Variants in PTPRM observed in about 807,000 individuals in gnomAD.
The protein encoded by PTPRM is receptor-type tyrosine-protein phosphatase mu.
In PTPRM, 47 loss-of-function variants were observed where a neutral mutation model predicts 186.7. The observed-to-expected ratio is 0.25, with a 90% confidence interval of 0.20 to 0.32. The LOEUF is 0.32. PTPRM is among the 10% of genes least tolerant of loss of function. The probability of loss-of-function intolerance (pLI) is 1.00; values close to 1 mark genes in which losing one functional copy is unlikely to be tolerated. For synonymous variants in PTPRM, 668 were observed against 674.9 expected, an observed-to-expected ratio of 0.99 and a Z score of 0.16; for missense variants, 1,494 against 1,865.0, an observed-to-expected ratio of 0.80 and a Z score of 3.66.
intron 2 of PTPRM, among the ~76,000 whole-genome samples, chr18:7,886,488 C>G (rs2048791186): frequency 1.3e-5 from 2 of 152,160 alleles, no homozygotes; most frequent in Non-Finnish European, 2.9e-5. Context: ...AGGTACATAA[C>G]ATTCATTGCT....
At chr18:7,651,066 G>C (rs2144275968) in intron 1 of PTPRM, among the ~76,000 whole-genome samples, 1 of 151,728 alleles carries the variant, frequency 6.6e-6, no homozygotes. Flanking sequence ...CTAGTAGCTG[G>C]GATTACAGGC....
At chr18:7,932,115 T>C (rs981769489) in intron 5 of PTPRM, among the ~76,000 whole-genome samples, 1 of 152,270 alleles carries the variant, frequency 6.6e-6, no homozygotes, top group Non-Finnish European at 1.5e-5. Flanking sequence ...GGGTGGGAAA[T>C]ACAAAGGTTC....
intron 2 of PTPRM, among the ~76,000 whole-genome samples, chr18:7,863,086 G>T (rs1305263153): frequency 6.6e-6 from 1 of 152,046 alleles, no homozygotes; most frequent in African/African-American, 2.4e-5. Flanking sequence ...TTGCTAAAAG[G>T]CTTGTCTTTT....
At chr18:7,698,745 A>G (rs1479878785) in intron 1 of PTPRM, among the ~76,000 whole-genome samples, 2 of 152,158 alleles carry the variant, frequency 1.3e-5, no homozygotes, top group African/African-American at 4.8e-5. Context: ...GTTTTTGCAC[A>G]TACTACTAAC....
chr18:8,252,773 T>C (rs914318447), intron 18 of PTPRM, among the ~76,000 whole-genome samples: 12 of 152,226 alleles, frequency 7.9e-5, no homozygotes, highest in Admixed American at 3.9e-4. Context: ...AGTCCCCATT[T>C]CCATTGCTAG....
intron 19 of PTPRM, among the ~76,000 whole-genome samples, chr18:8,255,879 G>A (rs1038176404): frequency 1.3e-5 from 2 of 152,170 alleles, no homozygotes; most frequent in South Asian, 2.1e-4. Context: ...GCAGGGAGAA[G>A]GGGACGCCCC....
intron 1 of PTPRM, among the ~76,000 whole-genome samples, chr18:7,762,114 G>A (rs958264081): frequency 1.3e-5 from 2 of 152,130 alleles, no homozygotes; most frequent in East Asian, 1.9e-4. Flanking sequence ...GGACCGCCCA[G>A]TGCAATAGAG....
chr18:8,279,583 A>G (rs910431273), intron 19 of PTPRM, among the ~76,000 whole-genome samples: 1 of 152,188 alleles, frequency 6.6e-6, no homozygotes, highest in Non-Finnish European at 1.5e-5. Context: ...GCCTGTTTTA[A>G]TCAGCATATC....
chr18:7,973,225 G>A (rs911616156), intron 7 of PTPRM, among the ~76,000 whole-genome samples: 4 of 151,822 alleles, frequency 2.6e-5, no homozygotes, highest in African/African-American at 7.3e-5. Flanking sequence ...CAATTATTTC[G>A]ATTTCTATAA....
rs1041179133 is a variant in PTPRM, at chr18:8,061,445, T to C, written c.1133-8241T>C. ...GTGTGTGTCTTTTAATTGGAGAATTTAGTCCATTTACATTTAAAGTTAATA... is the reference window on the plus strand; with the variant it reads ...GTGTGTGTCTTTTAATTGGAGAATTCAGTCCATTTACATTTAAAGTTAATA... On this transcript the variant is annotated intron_variant, in intron 7 of 32. Coordinates refer to ENST00000580170, the MANE Select transcript of PTPRM (RefSeq NM_001105244.2). 2.1e-4 allele frequency among the ~76,000 whole-genome samples: 27 copies of C among 126,888 alleles called. 1 individual carries two copies. Among genetic ancestry groups the C allele is most frequent in the African/African-American group, 7.9e-4 (24 of 30,400 alleles). 83.2% of individuals were successfully genotyped at this position (126,888 alleles called of 152,430 possible). A position where few individuals can be genotyped will look rare whatever the true frequency, so the allele number is the denominator to read the frequency against.
intron 4 of PTPRM, among the ~76,000 whole-genome samples, chr18:7,925,649 A>C (rs939509975): frequency 2.6e-5 from 4 of 152,098 alleles, no homozygotes; most frequent in Non-Finnish European, 4.4e-5. Flanking sequence ...CTCTCCCAGA[A>C]AGTATGATCA....
chr18:7,705,325 A>ATCTGTCTGTCTGTCTG (rs1222961839), intron 1 of PTPRM, among the ~76,000 whole-genome samples: 1 of 140,140 alleles, frequency 7.1e-6, no homozygotes, highest in African/African-American at 2.6e-5. Flanking sequence ...CTATCTATCT[A>ATCTGTCTGTCTGTCTG]TCTGTCTATC....
At chr18:7,810,536 A>G (rs2044457760) in intron 2 of PTPRM, among the ~76,000 whole-genome samples, 1 of 152,172 alleles carries the variant, frequency 6.6e-6, no homozygotes, top group Non-Finnish European at 1.5e-5. Flanking sequence ...TTCATAAAGC[A>G]TTAGAGTTGC....
At chr18:8,245,874 A>G (rs1019454161) in intron 15 of PTPRM, among the ~76,000 whole-genome samples, 1 of 152,234 alleles carries the variant, frequency 6.6e-6, no homozygotes, top group African/African-American at 2.4e-5. Flanking sequence ...CTGGACAGGA[A>G]GTTTAATTTG....
At chr18:8,034,356 C>A (rs1038467291) in intron 7 of PTPRM, among the ~76,000 whole-genome samples, 1 of 152,098 alleles carries the variant, frequency 6.6e-6, no homozygotes, top group Non-Finnish European at 1.5e-5. Flanking sequence ...ATCTTCAACT[C>A]AAAAGTACCA....
At chr18:8,119,655 G>A (rs984940369) in intron 13 of PTPRM, among the ~76,000 whole-genome samples, 14 of 152,042 alleles carry the variant, frequency 9.2e-5, no homozygotes, top group Non-Finnish European at 1.3e-4. Context: ...AAAAGAATCC[G>A]GAAAAACCCT....
At chr18:7,693,154 C>T (rs1568033330) in intron 1 of PTPRM, among the ~76,000 whole-genome samples, 1 of 152,170 alleles carries the variant, frequency 6.6e-6, no homozygotes, top group African/African-American at 2.4e-5. Flanking sequence ...CCTGCCTTGA[C>T]ATTGCTTATT....
At chr18:8,183,624 C>T (rs1406537857) in intron 14 of PTPRM, among the ~76,000 whole-genome samples, 1 of 152,078 alleles carries the variant, frequency 6.6e-6, no homozygotes, top group Non-Finnish European at 1.5e-5. Context: ...TTCCAGGCAC[C>T]GTGTTAACCA....
chr18:7,630,986 G>T (rs1212648242), intron 1 of PTPRM, among the ~76,000 whole-genome samples: 1 of 152,142 alleles, frequency 6.6e-6, no homozygotes, highest in African/African-American at 2.4e-5. Flanking sequence ...CTGTGCCCAG[G>T]ATCTGATTTC....
Sources: gnomAD v4.1 joint callset for allele counts (sites outside exome capture counted in the v4.1 genomes callset) on GRCh38, gnomAD v4.1.1 for gene constraint, MANE v1.5 for transcripts, NCBI Gene and HGNC (gene_info 2026-07-23, HGNC 2026-07-21) for gene names.